The following TGS1 variants were observed in gnomAD, a reference collection of about 807,000 sequenced individuals.
The protein encoded by TGS1 is trimethylguanosine synthase 1, also known as trimethylguanosine synthase.
In TGS1, 69 loss-of-function variants were observed where a neutral mutation model predicts 92.2. That is an observed-to-expected ratio of 0.75 (90% confidence interval 0.62 to 0.91). TGS1 has a LOEUF of 0.91. Among genes scored for constraint, TGS1 ranks in the 40% least tolerant of loss-of-function variants. The pLI is 0.00. For synonymous variants in TGS1, 345 were observed against 338.1 expected (o/e 1.02, Z -0.22); for missense variants, 1,062 against 1,001.2 (o/e 1.06, Z -0.82).
rs541408967 is a variant in TGS1 at position 55,802,051 on chromosome 8, G to A, written c.1850-406G>A. 5.3e-5 allele frequency among the ~76,000 whole-genome samples: 8 copies of A among 152,214 alleles called. No individual in the cohort carries two copies. The South Asian group carries it at 6.2e-4, about 12-fold the overall frequency. ...CTACTAAAATACAAAAAAATTAGCCGGGCGTGGTGACGGGCGCCTGTAGTC... is the reference window on the plus strand; with the variant it reads ...CTACTAAAATACAAAAAAATTAGCCAGGCGTGGTGACGGGCGCCTGTAGTC... On this transcript the variant is annotated intron_variant, in intron 8 of 12. Coordinates refer to ENST00000260129, the MANE Select transcript of TGS1 (RefSeq NM_024831.8).
At position 55,811,177 on chromosome 8, in the gene TGS1, G is replaced by T; in HGVS notation, c.2360+80G>T. 3 of 857,382 alleles carry T rather than the reference G, an allele frequency of 3.5e-6. 1 individual carries two copies. In the East Asian group the frequency reaches 7.5e-5, roughly 22 times the overall value. The allele number at this position is 857,382 out of a possible 1,614,324, so 53.1% of individuals were successfully genotyped here. On this transcript the variant is annotated intron_variant, in intron 11 of 12. Transcript: ENST00000260129. ...AGCATGAGAGTGAGAGAGGGAGTGT[G>T]GGTGGGTGGGCAGGGTGGCTCACAT...
intron 9 of TGS1, 128 bp from the exon 10 acceptor site, chr8:55,804,765 T>A: frequency 1.3e-6 from 1 of 787,880 alleles, no homozygotes; most frequent in Admixed American, 3.2e-5. Flanking sequence ...ACTGGGTGAT[T>A]TATAATTTTT....
chr8:55,782,157 T>A (rs202133818), intron 1 of TGS1, among the ~76,000 whole-genome samples: 10 of 9,020 alleles, frequency 1.1e-3, no homozygotes, highest in African/African-American at 6.5e-3. Flanking sequence ...TTTATTTATT[T>A]ATTTATTTAT....
rs1585780827 is a variant in TGS1 at position 55,804,835 on chromosome 8, A to G, written c.2000-58A>G. 4.0e-6 allele frequency: 6 copies of G among 1,511,710 alleles called. No homozygotes were observed. In the East Asian group the frequency reaches 1.4e-4, roughly 35 times the overall value. 93.6% of individuals were successfully genotyped at this position (1,511,710 alleles called of 1,614,324 possible). On this transcript the variant is annotated intron_variant, in intron 9 of 12. Transcript: ENST00000260129. ...AGATATAGTAATGTTTGCTATGTTT[A>G]TGCTTGCCTTGGCTTCTTGAAATTG... is the stretch of plus-strand genomic sequence containing the variant.
chr8:55,802,343 T>TTATA (rs1279918698), intron 8 of TGS1, 114 bp from the exon 9 acceptor site: 1 of 830,690 alleles, frequency 1.2e-6, no homozygotes, highest in East Asian at 2.5e-5. Context: ...GGGCGTGTCA[T>TTATA]TATATACATG....
At chr8:55,783,861 A>G (rs2130118762) in intron 2 of TGS1, among the ~76,000 whole-genome samples, 1 of 152,378 alleles carries the variant, frequency 6.6e-6, no homozygotes, top group East Asian at 1.9e-4. Flanking sequence ...TAAAGTTCCT[A>G]TAACACTAGG....
intron 6 of TGS1, 149 bp downstream of exon 6, chr8:55,792,933 C>T: frequency 1.7e-6 from 1 of 602,050 alleles, no homozygotes; most frequent in Non-Finnish European, 3.0e-6. Flanking sequence ...TAGAGATATC[C>T]CTGTACATTT....
chr8:55,794,195 C>G (rs1341337382), intron 6 of TGS1, among the ~76,000 whole-genome samples: 1 of 152,142 alleles, frequency 6.6e-6, no homozygotes, highest in African/African-American at 2.4e-5. Flanking sequence ...GGGTCTCGCT[C>G]TGTAACACAG....
At chr8:55,802,089 G>T (rs963474250) in intron 8 of TGS1, among the ~76,000 whole-genome samples, 2 of 152,156 alleles carry the variant, frequency 1.3e-5, no homozygotes, top group African/African-American at 4.8e-5. Context: ...AGCTACTCGG[G>T]AGGCTGAGGC....
chr8:55,808,246 T>G (rs571011812), intron 10 of TGS1, among the ~76,000 whole-genome samples: 1 of 152,316 alleles, frequency 6.6e-6, no homozygotes, highest in Non-Finnish European at 1.5e-5. Flanking sequence ...GTTATTTTCC[T>G]TTTTCCTTGA....
At chr8:55,788,228 T>G (rs1811774864) in intron 4 of TGS1, among the ~76,000 whole-genome samples, 1 of 152,240 alleles carries the variant, frequency 6.6e-6, no homozygotes, top group Non-Finnish European at 1.5e-5. Flanking sequence ...TAGAGGAACT[T>G]TCTTCTCAGC....
chr8:55,793,907 CG>C (rs1445069530), intron 6 of TGS1, among the ~76,000 whole-genome samples: 1 of 151,756 alleles, frequency 6.6e-6, no homozygotes, highest in African/African-American at 2.4e-5. Context: ...CGTGAGCCAC[CG>C]CGCCTCACCA....
intron 9 of TGS1, among the ~76,000 whole-genome samples, chr8:55,803,367 A>C (rs1179480526): frequency 6.6e-6 from 1 of 152,186 alleles, no homozygotes. Flanking sequence ...TTGCAGACTG[A>C]TGCTCGTTTT....
intron 12 of TGS1, among the ~76,000 whole-genome samples, chr8:55,820,037 T>C (rs1803589660): frequency 6.6e-6 from 1 of 152,244 alleles, no homozygotes; most frequent in African/African-American, 2.4e-5. Context: ...GGTACAATTA[T>C]CTTCTAACCA....
rs751850720 is a variant in TGS1 at position 55,786,703 on chromosome 8, G to A, written c.805G>A (p.Asp269Asn). 1.2e-6 allele frequency: 2 copies of A among 1,614,114 alleles called. No homozygotes were observed. The highest frequency in any genetic ancestry group is 1.7e-6 in the Non-Finnish European group (2 of 1,180,020). The change falls in exon 4 of 13, where the codon GAT becomes AAT. Residue 269 changes from aspartate to asparagine, a missense_variant. By Grantham distance (23) the Asp-to-Asn change is conservative. Transcript: ENST00000260129. ...GWTFDASQSCDTDTYTSKTEA... is the reference protein window; with the variant it reads ...GWTFDASQSCNTDTYTSKTEA... Reference sequence around the variant, plus strand: ...GACTTTTGATGCCTCGCAAAGCTGTGATACAGATACTTACACATCTAAAAC... The same window carrying A: ...GACTTTTGATGCCTCGCAAAGCTGTAATACAGATACTTACACATCTAAAAC...
intron 1 of TGS1, among the ~76,000 whole-genome samples, chr8:55,779,830 G>A (rs1031731377): frequency 1.7e-4 from 25 of 150,610 alleles, no homozygotes; most frequent in Non-Finnish European, 3.5e-4. Context: ...ACTGAAACAT[G>A]TATGCTTTTC....
chr8:55,800,013 G>A (rs1367214732), intron 8 of TGS1, among the ~76,000 whole-genome samples: 2 of 152,142 alleles, frequency 1.3e-5, no homozygotes, highest in Non-Finnish European at 2.9e-5. Context: ...TTCAATTTAT[G>A]CACTTTTGTA....
chr8:55,824,929 ATT>A lies in TGS1; in HGVS notation c.*234_*235del. The A allele has an allele frequency of 2.4e-6, 1 of 424,886 alleles. No individual in the cohort carries two copies. The highest frequency in any genetic ancestry group is 4.0e-6 in the Non-Finnish European group (1 of 247,818). 26.3% of individuals were successfully genotyped at this position (424,886 alleles called of 1,614,324 possible). A position where few individuals can be genotyped will look rare whatever the true frequency, so the allele number is the denominator to read the frequency against. ...AATATATATGAGTCCTTTGTAATTT[ATT>A]TTTTTTTGAGACAGGATCTCACTTT... On this transcript the variant is annotated 3_prime_UTR_variant, in exon 13 of 13. Transcript: ENST00000260129.
intron 12 of TGS1, among the ~76,000 whole-genome samples, chr8:55,820,367 G>A (rs1585797653): frequency 6.6e-6 from 1 of 152,068 alleles, no homozygotes; most frequent in Admixed American, 6.6e-5. Context: ...GGCCAACATC[G>A]TGAAACCCTG....
Sources: allele counts gnomAD v4.1 joint callset (sites outside exome capture counted in the v4.1 genomes callset), GRCh38; gene constraint gnomAD v4.1.1; transcripts MANE v1.5; gene names NCBI Gene and HGNC (gene_info 2026-07-23, HGNC 2026-07-21).